Variants in ARMH3 observed in about 807,000 individuals in gnomAD.
ARMH3 encodes armadillo like helical domain containing 3.
Under a neutral mutation model 99.1 loss-of-function variants are expected in ARMH3, and 60 were observed. The observed-to-expected ratio is 0.61, with a 90% CI of 0.49 to 0.75. The LOEUF is 0.75. ARMH3 is among the 30% of genes least tolerant of loss of function. The pLI is 0.00. For synonymous variants in ARMH3, 285 were observed against 292.8 expected (o/e 0.97, Z 0.27); for missense variants, 679 against 843.1 (o/e 0.81, Z 2.41).
chr10:101,962,757 T>C lies in ARMH3; in HGVS notation c.1496-5025A>G, dbSNP rs540719123. ...ATCATGCTGGGGAGAAGAAGGTCTC[T>C]GAACTCCCACTGCTGAGGTCTATGA... is the stretch of plus-strand genomic sequence containing the variant. On this transcript the variant is annotated intron_variant, in intron 20 of 25. Transcript: ENST00000370033. 2.9e-4 allele frequency among the ~76,000 whole-genome samples: 44 copies of C among 152,306 alleles called. 1 individual carries two copies. The South Asian group carries it at 7.7e-3, about 27-fold the overall frequency.
chr10:102,055,189 C>T (rs1365752260), intron 1 of ARMH3, among the ~76,000 whole-genome samples: 1 of 151,676 alleles, frequency 6.6e-6, no homozygotes, highest in Non-Finnish European at 1.5e-5. Flanking sequence ...GGCGTGGTAG[C>T]GCAAGGCTGA....
At chr10:101,977,616 T>C (rs1285847245) in intron 19 of ARMH3, among the ~76,000 whole-genome samples, 2 of 152,196 alleles carry the variant, frequency 1.3e-5, no homozygotes, top group Non-Finnish European at 2.9e-5. Context: ...TAATTGCAAA[T>C]GTAATATTAT....
chr10:101,975,049 T>TAAAAAAAAAAAAAAAAAAAAAAAAAAAA (rs11399489), intron 20 of ARMH3, among the ~76,000 whole-genome samples, 163 bp downstream of exon 20: 2 of 29,652 alleles, frequency 6.7e-5, no homozygotes, highest in African/African-American at 1.4e-4. Context: ...AGCTAAAACG[T>TAAAAAAAAAAAAAAAAAAAAAAAAAAAA]AAAAAAAAAA....
intron 5 of ARMH3, among the ~76,000 whole-genome samples, chr10:102,028,337 C>T (rs2067047167): frequency 6.6e-6 from 1 of 151,966 alleles, no homozygotes; most frequent in Non-Finnish European, 1.5e-5. Context: ...TCACCTGAGG[C>T]CAGGAGTTCA....
chr10:102,008,377 C>A (rs1178772298), intron 13 of ARMH3, among the ~76,000 whole-genome samples: 1 of 152,084 alleles, frequency 6.6e-6, no homozygotes, highest in Non-Finnish European at 1.5e-5. Flanking sequence ...AAGATAATAA[C>A]ACTTTATCAA....
At chr10:102,008,047 T>C (rs1171517926) in intron 13 of ARMH3, among the ~76,000 whole-genome samples, 1 of 152,180 alleles carries the variant, frequency 6.6e-6, no homozygotes, top group Non-Finnish European at 1.5e-5. Flanking sequence ...TAGCTGTTTT[T>C]AACTTCCCTT....
intron 16 of ARMH3, among the ~76,000 whole-genome samples, chr10:101,994,196 T>C (rs1381518727): frequency 6.6e-6 from 1 of 152,250 alleles, no homozygotes; most frequent in East Asian, 1.9e-4. Context: ...ATACCTTTTC[T>C]GAAGATCTGA....
chr10:101,944,310 AGAGAGAGAGAGAGAGAGAG>A (rs1844412584), intron 22 of ARMH3, among the ~76,000 whole-genome samples: 1 of 129,594 alleles, frequency 7.7e-6, no homozygotes, highest in Non-Finnish European at 1.6e-5. Context: ...AGAGAGAGAG[AGAGAGAGAGAGAGAGAGAG>A]TCCAAACTGA....
chr10:101,879,269 T>C (rs2067349493), intron 24 of ARMH3, among the ~76,000 whole-genome samples: 1 of 152,184 alleles, frequency 6.6e-6, no homozygotes, highest in South Asian at 2.1e-4. Flanking sequence ...CTAATAGCTG[T>C]GTGACCCTGA....
intron 24 of ARMH3, among the ~76,000 whole-genome samples, chr10:101,863,845 A>G (rs1470696668): frequency 2.6e-5 from 4 of 151,976 alleles, no homozygotes; most frequent in African/African-American, 4.8e-5. Context: ...GTTGTATCAC[A>G]AGGTCAAGAG....
intron 20 of ARMH3, among the ~76,000 whole-genome samples, chr10:101,960,156 C>T (rs11191160): frequency 0.21 from 31,566 of 151,664 alleles, 3,993 homozygotes; most frequent in Non-Finnish European, 0.29. Flanking sequence ...CCACCTTGGG[C>T]GACAGAGCAA....
intron 6 of ARMH3, among the ~76,000 whole-genome samples, chr10:102,024,235 G>C (rs1222325289): frequency 6.6e-6 from 1 of 151,780 alleles, no homozygotes; most frequent in Admixed American, 6.6e-5. Context: ...TGGATCACAA[G>C]GTCAGGAGTT....
intron 23 of ARMH3, among the ~76,000 whole-genome samples, chr10:101,892,497 G>GT (rs1432026020): frequency 1.3e-5 from 2 of 152,050 alleles, no homozygotes; most frequent in African/African-American, 4.8e-5. Flanking sequence ...GTGTATGTGT[G>GT]TTTGTGTGTG....
At chr10:101,898,072 G>A (rs1238103586) in intron 23 of ARMH3, among the ~76,000 whole-genome samples, 1 of 152,120 alleles carries the variant, frequency 6.6e-6, no homozygotes, top group Non-Finnish European at 1.5e-5. Flanking sequence ...TAACAATGTA[G>A]GCAATATAGC....
chr10:101,983,853 G>A lies in ARMH3; in HGVS notation c.1406+6698C>T, dbSNP rs148222998. Among the ~76,000 whole-genome samples, 182 of 152,268 alleles carry A rather than the reference G, an allele frequency of 1.2e-3. 1 individual carries two copies. Among genetic ancestry groups the A allele is most frequent in the African/African-American group, 4.1e-3 (169 of 41,556 alleles). On this transcript the variant is annotated intron_variant, in intron 19 of 25. Transcript: ENST00000370033. ...TCCCTGAATTCTGTGAGCCACTCTA[G>A]CAAATTAATCAAACCTAAGGAGGAG... is the stretch of plus-strand genomic sequence containing the variant.
At chr10:101,901,645 T>C (rs1247334752) in intron 23 of ARMH3, among the ~76,000 whole-genome samples, 1 of 152,154 alleles carries the variant, frequency 6.6e-6, no homozygotes. Flanking sequence ...AGACAGACCC[T>C]CACAGAGATG....
At chr10:101,961,432 C>T (rs1298143655) in intron 20 of ARMH3, among the ~76,000 whole-genome samples, 1 of 152,030 alleles carries the variant, frequency 6.6e-6, no homozygotes, top group Non-Finnish European at 1.5e-5. Context: ...TTAAAGGGAG[C>T]CAAGATCCCC....
At chr10:101,852,753 CAA>C (rs541447589) in intron 24 of ARMH3, among the ~76,000 whole-genome samples, 2 of 120,920 alleles carry the variant, frequency 1.7e-5, no homozygotes, top group Non-Finnish European at 1.8e-5. Context: ...GACCTTGTCT[CAA>C]AAAAAAAAAA....
At chr10:101,934,984 A>G (rs1843889801) in intron 23 of ARMH3, among the ~76,000 whole-genome samples, 1 of 151,932 alleles carries the variant, frequency 6.6e-6, no homozygotes, top group African/African-American at 2.4e-5. Context: ...AAAACACAGC[A>G]GCCCCCAACT....
Sources: gnomAD v4.1 joint callset for allele counts (sites outside exome capture counted in the v4.1 genomes callset) on GRCh38, gnomAD v4.1.1 for gene constraint, MANE v1.5 for transcripts, NCBI Gene and HGNC (gene_info 2026-07-23, HGNC 2026-07-21) for gene names.